Variants in ATXN7L1 observed in about 807,000 individuals in gnomAD.
The protein encoded by ATXN7L1 is ataxin-7-like protein 1.
ATXN7L1 carries 15 observed loss-of-function variants against 70.8 expected under a neutral mutation model. That is an observed-to-expected ratio of 0.21 (90% CI 0.14 to 0.33). The LOEUF (loss-of-function observed/expected upper bound fraction) is 0.33, where lower values mean the gene tolerates loss of function less well. Ranked by LOEUF, ATXN7L1 falls within the 10% of genes least tolerant of loss-of-function variation. The pLI is 1.00. For missense variants in ATXN7L1, 975 were observed against 1,097.1 expected (o/e 0.89, Z 1.57); for synonymous variants, 440 against 445.1 (o/e 0.99, Z 0.14).
At chr7:105,704,475 G>A (rs2116246680) in intron 3 of ATXN7L1, among the ~76,000 whole-genome samples, 2 of 149,448 alleles carry the variant, frequency 1.3e-5, no homozygotes, top group Admixed American at 1.3e-4. Flanking sequence ...CAGGCTAATA[G>A]TAAAAACCAC....
At chr7:105,608,539 T>C (rs567422292) in intron 11 of ATXN7L1, among the ~76,000 whole-genome samples, 1 of 152,260 alleles carries the variant, frequency 6.6e-6, no homozygotes, top group African/African-American at 2.4e-5. Flanking sequence ...CCCGGAGCTA[T>C]GGGCACATGC....
intron 3 of ATXN7L1, among the ~76,000 whole-genome samples, chr7:105,706,331 T>C (rs1445682173): frequency 6.6e-6 from 1 of 152,004 alleles, no homozygotes; most frequent in Admixed American, 6.6e-5. Flanking sequence ...GTAGCTGGGA[T>C]TACAGGCGTG....
intron 4 of ATXN7L1, among the ~76,000 whole-genome samples, chr7:105,647,305 A>G (rs541849402): frequency 2.6e-5 from 4 of 152,334 alleles, no homozygotes; most frequent in South Asian, 2.1e-4. Flanking sequence ...AGACAAAGAT[A>G]TGATGCCTGG....
At chr7:105,623,812 C>T (rs534753805) in intron 8 of ATXN7L1, among the ~76,000 whole-genome samples, 37 of 152,310 alleles carry the variant, frequency 2.4e-4, no homozygotes, top group Non-Finnish European at 5.0e-4. Flanking sequence ...CATAAATACT[C>T]GGGATTATCC....
At chr7:105,787,045 T>C (rs1380583969) in intron 3 of ATXN7L1, among the ~76,000 whole-genome samples, 1 of 129,196 alleles carries the variant, frequency 7.7e-6, no homozygotes, top group Non-Finnish European at 1.6e-5. Context: ...TCTCCACCTG[T>C]CATCTCAGCT....
At chr7:105,655,460 G>A (rs999605648) in intron 4 of ATXN7L1, among the ~76,000 whole-genome samples, 2 of 152,240 alleles carry the variant, frequency 1.3e-5, no homozygotes, top group Non-Finnish European at 2.9e-5. Context: ...GTGGACAGGA[G>A]GATGGGCAGA....
intron 11 of ATXN7L1, among the ~76,000 whole-genome samples, chr7:105,610,285 G>T (rs892216876): frequency 2.6e-5 from 4 of 152,200 alleles, no homozygotes; most frequent in African/African-American, 9.7e-5. Context: ...CCTCACAAAA[G>T]CCATAAAAGG....
At chr7:105,765,917 G>A (rs1006002597) in intron 3 of ATXN7L1, among the ~76,000 whole-genome samples, 7 of 151,910 alleles carry the variant, frequency 4.6e-5, no homozygotes, top group African/African-American at 1.7e-4. Context: ...TCCTGTATCT[G>A]GGATGAACTT....
chr7:105,706,120 A>G (rs896904223), intron 3 of ATXN7L1, among the ~76,000 whole-genome samples: 17 of 152,234 alleles, frequency 1.1e-4, no homozygotes, highest in Admixed American at 6.5e-4. Context: ...GCTAAACTGA[A>G]TTATTTCTCT....
chr7:105,772,533 A>G (rs1802160335), intron 3 of ATXN7L1, among the ~76,000 whole-genome samples: 1 of 152,232 alleles, frequency 6.6e-6, no homozygotes, highest in African/African-American at 2.4e-5. Context: ...AATCAGATAA[A>G]ATAGAACCTA....
rs114268540 is a variant in ATXN7L1, at chr7:105,848,816, G to T, written c.250+26996C>A. Among the ~76,000 whole-genome samples, 1,191 of 152,252 alleles carry T rather than the reference G, an allele frequency of 7.8e-3. 17 individuals carry two copies. The highest frequency in any genetic ancestry group is 0.027 in the African/African-American group (1,116 of 41,538). ...GCTCCGTGCACCCAGCCTAGAGCAT[G>T]CTGCTCCTCGGCCCAGTGACTATTC... On this transcript the variant is annotated intron_variant, in intron 2 of 11. Transcript: ENST00000419735.
At chr7:105,825,544 A>C (rs1331802035) in intron 2 of ATXN7L1, among the ~76,000 whole-genome samples, 2 of 149,850 alleles carry the variant, frequency 1.3e-5, no homozygotes, top group Non-Finnish European at 3.0e-5. Flanking sequence ...AGGACAAGCA[A>C]AAACCTACAT....
Position 105,762,819 on chromosome 7 carries a change from C to T in ATXN7L1, c.355+25785G>A, listed in dbSNP as rs1800726446. Among the ~76,000 whole-genome samples the T allele has an allele frequency of 2.0e-5, 3 of 152,162 alleles. No homozygotes were observed. The South Asian group carries it at 6.2e-4, about 32-fold the overall frequency. On this transcript the variant is annotated intron_variant, in intron 3 of 11. Coordinates refer to ENST00000419735, the MANE Select transcript of ATXN7L1 (RefSeq NM_020725.2). The stretch of plus-strand genomic sequence containing the variant: ...ACAGCGTGTCCTTTCTGAGACTAGG[C>T]CATAAAAGGCATTTTGACTTTCTCC...
chr7:105,699,008 T>C (rs1332921869), intron 3 of ATXN7L1, among the ~76,000 whole-genome samples: 1 of 152,242 alleles, frequency 6.6e-6, no homozygotes, highest in Non-Finnish European at 1.5e-5. Flanking sequence ...TAAAAAGTTG[T>C]TTGTGGTTCA....
chr7:105,677,247 T>C (rs941233132), intron 3 of ATXN7L1, among the ~76,000 whole-genome samples: 1 of 152,260 alleles, frequency 6.6e-6, no homozygotes, highest in African/African-American at 2.4e-5. Flanking sequence ...ATGCTGTCTT[T>C]GGAATCAGAA....
At chr7:105,676,292 TC>T (rs1804636317) in intron 3 of ATXN7L1, among the ~76,000 whole-genome samples, 1 of 152,038 alleles carries the variant, frequency 6.6e-6, no homozygotes, top group Admixed American at 6.6e-5. Context: ...AGTAGCCCCC[TC>T]CAAAACCACA....
At chr7:105,781,302 G>A (rs552426985) in intron 3 of ATXN7L1, among the ~76,000 whole-genome samples, 16 of 152,076 alleles carry the variant, frequency 1.1e-4, no homozygotes, top group South Asian at 4.1e-4. Context: ...CACCATAAAC[G>A]TTCACCCCAA....
At chr7:105,793,824 C>A (rs371536453) in intron 2 of ATXN7L1, among the ~76,000 whole-genome samples, 36 of 152,288 alleles carry the variant, frequency 2.4e-4, no homozygotes, top group African/African-American at 8.7e-4. Flanking sequence ...TGATCACAGG[C>A]AGGGAGGAGG....
chr7:105,755,393 A>G, intron 3 of ATXN7L1, among the ~76,000 whole-genome samples: 1 of 152,150 alleles, frequency 6.6e-6, no homozygotes, highest in Non-Finnish European at 1.5e-5. Context: ...CTCTTTAAAC[A>G]TTACTCAAGG....
Sources: allele counts gnomAD v4.1 joint callset (sites outside exome capture counted in the v4.1 genomes callset), GRCh38; gene constraint gnomAD v4.1.1; transcripts MANE v1.5; gene names NCBI Gene and HGNC (gene_info 2026-07-23, HGNC 2026-07-21).